GRM1: variants seen among roughly 807,000 people sequenced by gnomAD.
GRM1 encodes glutamate metabotropic receptor 1, also known as metabotropic glutamate receptor 1.
In GRM1, 33 loss-of-function variants were observed where a neutral mutation model predicts 90.9. The ratio of observed to expected loss-of-function variants is 0.36; its 90% CI spans 0.28 to 0.49. The LOEUF is 0.49. GRM1 is among the 20% of genes least tolerant of loss of function. The probability of loss-of-function intolerance (pLI) is 0.99; values close to 1 mark genes in which losing one functional copy is unlikely to be tolerated. For synonymous variants in GRM1, 700 were observed against 613.2 expected (o/e 1.14, Z -2.09); for missense variants, 1,190 against 1,534.3 (o/e 0.78, Z 3.75).
chr6:146,337,857 A>G (rs1001697965), intron 3 of GRM1, among the ~76,000 whole-genome samples: 3 of 152,238 alleles, frequency 2.0e-5, no homozygotes, highest in Admixed American at 1.3e-4. Flanking sequence ...TCCCCTAGTA[A>G]CTAAAGAAAA....
At chr6:146,382,214 C>T (rs1776341735) in intron 5 of GRM1, among the ~76,000 whole-genome samples, 1 of 150,880 alleles carries the variant, frequency 6.6e-6, no homozygotes, top group African/African-American at 2.4e-5. Flanking sequence ...TGAACGTATA[C>T]ATCATACAAA....
chr6:146,327,770 C>T (rs894857881), intron 3 of GRM1, among the ~76,000 whole-genome samples: 4 of 152,170 alleles, frequency 2.6e-5, no homozygotes, highest in Admixed American at 6.5e-5. Context: ...ACTCAGTCAT[C>T]GCCATGTCTA....
intron 2 of GRM1, among the ~76,000 whole-genome samples, chr6:146,190,522 G>A (rs1393404212): frequency 6.6e-6 from 1 of 152,146 alleles, no homozygotes; most frequent in Non-Finnish European, 1.5e-5. Context: ...TGGCCAACAC[G>A]AATTCAGGAG....
intron 1 of GRM1, among the ~76,000 whole-genome samples, chr6:146,152,472 C>G (rs1777375339): frequency 6.6e-6 from 1 of 151,842 alleles, no homozygotes; most frequent in Non-Finnish European, 1.5e-5. Context: ...GCCTTCACAC[C>G]TATACTGTAA....
intron 7 of GRM1, among the ~76,000 whole-genome samples, chr6:146,431,778 A>G (rs1368937308): frequency 2.0e-5 from 3 of 152,212 alleles, no homozygotes; most frequent in African/African-American, 7.2e-5. Flanking sequence ...GTTGGATGCT[A>G]TATATAGTAA....
intron 5 of GRM1, among the ~76,000 whole-genome samples, chr6:146,380,456 C>A (rs1776280257): frequency 6.6e-6 from 1 of 152,060 alleles, no homozygotes; most frequent in Non-Finnish European, 1.5e-5. Flanking sequence ...TGGCAGACTA[C>A]CCCTGATGTT....
chr6:146,432,324 A>G (rs1032390873), intron 7 of GRM1, among the ~76,000 whole-genome samples: 1 of 152,210 alleles, frequency 6.6e-6, no homozygotes, highest in Non-Finnish European at 1.5e-5. Flanking sequence ...ATTTTCTATA[A>G]TCAATATCAG....
intron 2 of GRM1, among the ~76,000 whole-genome samples, chr6:146,268,214 A>AT (rs1014701963): frequency 6.6e-6 from 1 of 152,148 alleles, no homozygotes; most frequent in African/African-American, 2.4e-5. Flanking sequence ...ATTGACACAC[A>AT]TTTTTTAAAA....
At chr6:146,397,193 C>T (rs1406612004) in intron 6 of GRM1, among the ~76,000 whole-genome samples, 1 of 151,914 alleles carries the variant, frequency 6.6e-6, no homozygotes, top group Non-Finnish European at 1.5e-5. Context: ...TTAAAAAGCA[C>T]AAAAGCTGGC....
rs372362953 is a variant in GRM1, at chr6:146,408,032, T to C, written c.2660+8333T>C. Among the ~76,000 whole-genome samples, 6 of 152,294 alleles carry C rather than the reference T, an allele frequency of 3.9e-5. No homozygotes were observed. The South Asian group carries it at 1.2e-3, about 32-fold the overall frequency. On this transcript the variant is annotated intron_variant, in intron 7 of 7. Transcript: ENST00000282753. ...TGACTTAAGAGCAGAAATATATTGC[T>C]CACAGTTCTGGAGGCTGAGAAGTCC...
intron 2 of GRM1, among the ~76,000 whole-genome samples, chr6:146,220,179 A>G (rs139673689): frequency 1.1e-3 from 161 of 152,188 alleles, no homozygotes; most frequent in Non-Finnish European, 1.7e-3. Flanking sequence ...AGAAACTAAT[A>G]AATTTCAAAT....
intron 3 of GRM1, among the ~76,000 whole-genome samples, chr6:146,320,264 G>A (rs937701783): frequency 8.5e-5 from 13 of 152,198 alleles, no homozygotes; most frequent in Admixed American, 1.3e-4. Context: ...GATGGATTAC[G>A]TTTATTGATT....
intron 3 of GRM1, among the ~76,000 whole-genome samples, chr6:146,323,491 G>A (rs1784281883): frequency 6.6e-6 from 1 of 151,954 alleles, no homozygotes; most frequent in Non-Finnish European, 1.5e-5. Flanking sequence ...CTGGATATTA[G>A]CCCTTTGTCA....
intron 2 of GRM1, among the ~76,000 whole-genome samples, chr6:146,243,669 T>A (rs1314290265): frequency 1.3e-5 from 2 of 152,012 alleles, no homozygotes; most frequent in Non-Finnish European, 2.9e-5. Flanking sequence ...GGGGTGAAAT[T>A]AAAAATGCTA....
chr6:146,271,766 C>T (rs1782170230), intron 2 of GRM1, among the ~76,000 whole-genome samples: 1 of 152,158 alleles, frequency 6.6e-6, no homozygotes, highest in Admixed American at 6.5e-5. Context: ...CACTAAATGG[C>T]CATGTTCAAA....
At chr6:146,179,983 A>C (rs1778486152) in intron 2 of GRM1, among the ~76,000 whole-genome samples, 1 of 152,158 alleles carries the variant, frequency 6.6e-6, no homozygotes, top group South Asian at 2.1e-4. Flanking sequence ...CTCCACAAAA[A>C]AATGTAAGAA....
intron 2 of GRM1, among the ~76,000 whole-genome samples, chr6:146,221,703 A>G (rs1358997805): frequency 6.6e-6 from 1 of 152,146 alleles, no homozygotes. Context: ...TCCTTTGGGT[A>G]TATACCCAGT....
At chr6:146,329,184 C>T (rs1784503212) in intron 3 of GRM1, among the ~76,000 whole-genome samples, 1 of 152,130 alleles carries the variant, frequency 6.6e-6, no homozygotes, top group South Asian at 2.1e-4. Flanking sequence ...GCCTCCCCAG[C>T]AAGCACAATG....
intron 2 of GRM1, among the ~76,000 whole-genome samples, chr6:146,257,742 C>T (rs1351216940): frequency 6.6e-6 from 1 of 152,046 alleles, no homozygotes; most frequent in African/African-American, 2.4e-5. Flanking sequence ...GCAAATTTCC[C>T]CTTTCATCTT....
Sources: allele counts gnomAD v4.1 joint callset (sites outside exome capture counted in the v4.1 genomes callset), GRCh38; gene constraint gnomAD v4.1.1; transcripts MANE v1.5; gene names NCBI Gene and HGNC (gene_info 2026-07-23, HGNC 2026-07-21).